TTC17: variants seen among roughly 807,000 people sequenced by gnomAD.
The protein encoded by TTC17 is tetratricopeptide repeat protein 17.
A neutral mutation model predicts 143.8 loss-of-function variants in TTC17; 58 were observed. The ratio of observed to expected loss-of-function variants is 0.40; its 90% CI spans 0.33 to 0.50. The LOEUF (loss-of-function observed/expected upper bound fraction) is 0.50. Among genes scored for constraint, TTC17 ranks in the 20% least tolerant of loss-of-function variants. The pLI is 0.49. For missense variants in TTC17, 1,273 were observed against 1,392.5 expected (o/e 0.91, Z 1.37); for synonymous variants, 501 against 497.8 (o/e 1.01, Z -0.09).
intron 21 of TTC17, among the ~76,000 whole-genome samples, chr11:43,471,583 A>G (rs141445182): frequency 1.7e-3 from 259 of 152,380 alleles, no homozygotes; most frequent in Admixed American, 2.8e-3. Flanking sequence ...TTCTCTCAGC[A>G]TAAGTTTGTC....
intron 21 of TTC17, among the ~76,000 whole-genome samples, chr11:43,456,179 A>AACAT (rs149230893): frequency 2.1e-5 from 3 of 146,214 alleles, no homozygotes; most frequent in Non-Finnish European, 4.5e-5. Context: ...TTAGCACAAT[A>AACAT]ACACACACAC....
chr11:43,473,964 C>A (rs1441533169), intron 21 of TTC17, among the ~76,000 whole-genome samples: 1 of 151,910 alleles, frequency 6.6e-6, no homozygotes, highest in Non-Finnish European at 1.5e-5. Context: ...ATTATACATT[C>A]ATTTACCCTT....
chr11:43,367,374 A>C (rs558067257), intron 1 of TTC17, among the ~76,000 whole-genome samples: 1 of 152,340 alleles, frequency 6.6e-6, no homozygotes. Flanking sequence ...CAGGCATCAA[A>C]AAGCAAAAAG....
intron 1 of TTC17, among the ~76,000 whole-genome samples, chr11:43,364,014 C>T (rs1035223613): frequency 4.0e-5 from 6 of 150,218 alleles, no homozygotes; most frequent in Admixed American, 1.3e-4. Flanking sequence ...TTTTGTCCCC[C>T]GGTCAGGCCG....
At chr11:43,423,273 A>G (rs935686390) in intron 16 of TTC17, among the ~76,000 whole-genome samples, 1 of 152,200 alleles carries the variant, frequency 6.6e-6, no homozygotes, top group African/African-American at 2.4e-5. Flanking sequence ...TGGTAACTGG[A>G]TAGACGTCAA....
chr11:43,396,123 T>G (rs1857581599), intron 5 of TTC17: 1 of 152,150 alleles, frequency 6.6e-6, no homozygotes, highest in Non-Finnish European at 1.5e-5. Context: ...TTCTTTTTAG[T>G]CTTTGCCACT....
At chr11:43,452,371 G>A (rs1039300366) in intron 21 of TTC17, among the ~76,000 whole-genome samples, 2 of 151,990 alleles carry the variant, frequency 1.3e-5, no homozygotes, top group Admixed American at 6.5e-5. Context: ...GCGGTGGCAC[G>A]CACCTGTAAT....
chr11:43,481,113 T>A (rs2134863843), intron 21 of TTC17, among the ~76,000 whole-genome samples: 1 of 152,244 alleles, frequency 6.6e-6, no homozygotes, highest in Admixed American at 6.5e-5. Flanking sequence ...AAAACAATAA[T>A]TATTAGGAGT....
intron 18 of TTC17, among the ~76,000 whole-genome samples, chr11:43,447,262 T>A (rs1947564011): frequency 6.6e-6 from 1 of 152,094 alleles, no homozygotes; most frequent in Non-Finnish European, 1.5e-5. Context: ...CTTAACCACA[T>A]GAGGTTAAGG....
chr11:43,367,714 CTGTGTGTG>C (rs3083209), intron 1 of TTC17, among the ~76,000 whole-genome samples: 16 of 147,182 alleles, frequency 1.1e-4, no homozygotes, highest in Non-Finnish European at 1.8e-4. Context: ...AGGGGAATGT[CTGTGTGTG>C]TGTGTGTGTG....
chr11:43,361,652 G>C (rs1856108740), intron 1 of TTC17, among the ~76,000 whole-genome samples: 1 of 152,230 alleles, frequency 6.6e-6, no homozygotes, highest in Non-Finnish European at 1.5e-5. Context: ...GCATTGTAAA[G>C]TCAAGAAATT....
chr11:43,438,922 G>C (rs563367472), intron 16 of TTC17, among the ~76,000 whole-genome samples: 1 of 152,286 alleles, frequency 6.6e-6, no homozygotes, highest in Admixed American at 6.5e-5. Context: ...GATGATCCCA[G>C]TTTCTTCCCG....
intron 5 of TTC17, among the ~76,000 whole-genome samples, chr11:43,392,656 A>G (rs1857434152): frequency 2.0e-5 from 3 of 152,196 alleles, no homozygotes; most frequent in Admixed American, 6.5e-5. Flanking sequence ...GATGCTTTAT[A>G]TGGTTATTTC....
intron 15 of TTC17, among the ~76,000 whole-genome samples, chr11:43,409,979 T>A (rs1858334330): frequency 6.6e-6 from 1 of 151,900 alleles, no homozygotes; most frequent in African/African-American, 2.4e-5. Context: ...GTAGTTGGGA[T>A]TTCAGGTGCA....
In TTC17 at chr11:43,443,459, G is replaced by A. The variant is rs200033606; in HGVS notation, c.2386G>A (p.Glu796Lys). 42 of 1,614,076 alleles carry A rather than the reference G, an allele frequency of 2.6e-5. No individual in the cohort carries two copies. The highest frequency in any genetic ancestry group is 3.4e-5 in the Non-Finnish European group (40 of 1,180,032). Residue 796 changes from glutamate (E) to lysine (K), a missense_variant, in exon 17 of 24, where the codon GAG (glutamate) becomes AAG (lysine). Around this residue, in one of 3 missense-constraint regions of TTC17, gnomAD observed 878 missense variants for 899.8 expected, o/e 0.98. Transcript: ENST00000039989. ...TTTGGAAGGCTTTGGGGGTGCACTA[G>A]AGATGAAAGGGCGGCGTCTAGACTT... Reference protein sequence around the residue: ...WPLEGFGGALEMKGRRLDLQG... With the variant: ...WPLEGFGGALKMKGRRLDLQG...
chr11:43,464,466 G>A lies in TTC17; in HGVS notation c.3030+13201G>A, dbSNP rs554231948. Among the ~76,000 whole-genome samples, 16 of 152,060 alleles carry A rather than the reference G, an allele frequency of 1.1e-4. No homozygotes were observed. The South Asian group carries it at 1.9e-3, about 18-fold the overall frequency. On this transcript the variant is annotated intron_variant, in intron 21 of 23. Transcript: ENST00000039989. ...AGACTCAAAATTCATACACACTAAGGAAAAAGATGAATAACTAACTTTTTT... is the reference window on the plus strand; with the variant it reads ...AGACTCAAAATTCATACACACTAAGAAAAAAGATGAATAACTAACTTTTTT...
chr11:43,389,898 T>G, intron 3 of TTC17, 77 bp downstream of exon 3: 1 of 1,349,198 alleles, frequency 7.4e-7, no homozygotes, highest in Non-Finnish European at 1.0e-6. Context: ...AAATTATTTC[T>G]GTAATAAGGG....
intron 10 of TTC17, among the ~76,000 whole-genome samples, chr11:43,402,028 T>G (rs1019604341): frequency 9.0e-5 from 12 of 133,184 alleles, no homozygotes; most frequent in South Asian, 2.4e-4. Context: ...AATAAATAAA[T>G]AAAGAGCGAG....
Position 43,431,046 on chromosome 11 carries a change from G to C in TTC17, c.2252-12279G>C, listed in dbSNP as rs754694809. On this transcript the variant is annotated intron_variant, in intron 16 of 23. Coordinates refer to ENST00000039989, the MANE Select transcript of TTC17 (RefSeq NM_018259.6). ...GGTGTTTGGTTTTGTTTCTGTGTTA[G>C]TTTGTTGAGAATGATGGTTTCCAGC... is the stretch of plus-strand genomic sequence containing the variant. Among the ~76,000 whole-genome samples, 221 of 152,230 alleles carry C rather than the reference G, an allele frequency of 1.5e-3. 1 individual carries two copies. The highest frequency in any genetic ancestry group is 2.1e-3 in the Non-Finnish European group (146 of 68,018).
Sources: allele counts gnomAD v4.1 joint callset (sites outside exome capture counted in the v4.1 genomes callset), GRCh38; gene constraint gnomAD v4.1.1; regional missense constraint gnomAD v4.1.1; transcripts MANE v1.5; gene names NCBI Gene and HGNC (gene_info 2026-07-23, HGNC 2026-07-21).